The following SPAG16 variants were observed in gnomAD, a reference collection of about 807,000 sequenced individuals.
SPAG16 encodes the protein sperm-associated antigen 16 protein.
A neutral mutation model predicts 80.4 loss-of-function variants in SPAG16; 86 were observed. That is an observed-to-expected ratio of 1.07 (90% CI 0.90 to 1.28). The LOEUF is 1.28. SPAG16 is among the 50% of genes most tolerant of loss of function. The pLI is 0.00. For missense variants in SPAG16, 870 were observed against 765.3 expected (o/e 1.14, Z -1.61); for synonymous variants, 294 against 265.9 (o/e 1.11, Z -1.03).
intron 11 of SPAG16, among the ~76,000 whole-genome samples, chr2:213,906,634 C>A (rs2077446101): frequency 6.6e-6 from 1 of 152,112 alleles, no homozygotes; most frequent in South Asian, 2.1e-4. Flanking sequence ...GCTATAGTAA[C>A]AATGACAGCT....
At chr2:214,139,749 A>G (rs2055253262) in intron 14 of SPAG16, among the ~76,000 whole-genome samples, 1 of 152,128 alleles carries the variant, frequency 6.6e-6, no homozygotes, top group African/African-American at 2.4e-5. Context: ...ACGCCTTAAC[A>G]TCTTGTTAAA....
At chr2:214,183,353 G>C (rs892008196) in intron 15 of SPAG16, among the ~76,000 whole-genome samples, 2 of 151,922 alleles carry the variant, frequency 1.3e-5, no homozygotes, top group African/African-American at 4.8e-5. Flanking sequence ...TTTAAAAATA[G>C]GGGCTATTTT....
At chr2:213,883,149 A>C (rs1157271584) in intron 11 of SPAG16, among the ~76,000 whole-genome samples, 1 of 152,218 alleles carries the variant, frequency 6.6e-6, no homozygotes, top group Non-Finnish European at 1.5e-5. Flanking sequence ...GTTTAGCAAT[A>C]TAAACTCTCC....
At chr2:213,911,716 G>C (rs2077679142) in intron 11 of SPAG16, among the ~76,000 whole-genome samples, 2 of 151,820 alleles carry the variant, frequency 1.3e-5, no homozygotes, top group South Asian at 4.1e-4. Context: ...TATTCTCCAT[G>C]GAAAGAAAAG....
chr2:213,695,999 A>C (rs914375954), intron 10 of SPAG16, among the ~76,000 whole-genome samples: 4 of 152,172 alleles, frequency 2.6e-5, no homozygotes, highest in African/African-American at 9.7e-5. Context: ...TAATTCAAGT[A>C]ATGTAGGTGA....
chr2:213,537,937 T>G (rs2076306581), intron 10 of SPAG16, among the ~76,000 whole-genome samples: 2 of 152,168 alleles, frequency 1.3e-5, no homozygotes, highest in African/African-American at 2.4e-5. Flanking sequence ...ATACAGAAAG[T>G]ATCAGTGGGG....
intron 10 of SPAG16, among the ~76,000 whole-genome samples, chr2:213,492,436 G>A (rs1235415708): frequency 1.3e-5 from 2 of 151,830 alleles, no homozygotes; most frequent in African/African-American, 2.4e-5. Context: ...TGTAGTCCCA[G>A]CTACTCGGGA....
chr2:214,234,972 A>G (rs1357714831), intron 15 of SPAG16, among the ~76,000 whole-genome samples: 1 of 152,116 alleles, frequency 6.6e-6, no homozygotes, highest in Non-Finnish European at 1.5e-5. Context: ...ATGATTATGC[A>G]CCACTTTTCA....
At chr2:213,934,476 T>C (rs191481497) in intron 12 of SPAG16, among the ~76,000 whole-genome samples, 3 of 152,302 alleles carry the variant, frequency 2.0e-5, no homozygotes, top group Admixed American at 6.5e-5. Context: ...GGGATGTTTC[T>C]TTTTTTGGTT....
At chr2:214,091,827 T>G (rs9288488) in intron 13 of SPAG16, among the ~76,000 whole-genome samples, 14,314 of 152,090 alleles carry the variant, frequency 0.094, 844 homozygotes, top group East Asian at 0.28. Context: ...TCCACTCTAA[T>G]GAACATATTA....
At chr2:213,790,896 T>A (rs562371970) in intron 10 of SPAG16, among the ~76,000 whole-genome samples, 5 of 152,142 alleles carry the variant, frequency 3.3e-5, no homozygotes, top group Non-Finnish European at 5.9e-5. Flanking sequence ...TGTCTCACTT[T>A]AACTCATCAT....
At chr2:214,330,279 A>G (rs1419209014) in intron 15 of SPAG16, among the ~76,000 whole-genome samples, 2 of 147,592 alleles carry the variant, frequency 1.4e-5, no homozygotes, top group Non-Finnish European at 3.0e-5. Flanking sequence ...CTCTGTCTCA[A>G]AAAAAAAAAA....
chr2:213,444,873 T>A (rs1166642922), intron 9 of SPAG16, among the ~76,000 whole-genome samples: 2 of 152,138 alleles, frequency 1.3e-5, no homozygotes, highest in Non-Finnish European at 2.9e-5. Context: ...AACAGTATGG[T>A]ACTGGCATAA....
In SPAG16 at chr2:213,284,523, G is replaced by A. The variant is rs751505176; in HGVS notation, c.40G>A (p.Val14Ile). Residue 14 changes from valine (V) to isoleucine (I), a missense_variant, in exon 1 of 16, where the codon GTC becomes ATC. Coordinates refer to ENST00000331683, the MANE Select transcript of SPAG16 (RefSeq NM_024532.5). ...QRGMPSSAVRVLEEALGMGLT... is the reference protein window; with the variant it reads ...QRGMPSSAVRILEEALGMGLT... ...AGGGATGCCCAGCTCCGCCGTGAGG[G>A]TCCTGGAAGAGGCGTTGGGCATGGG... 6.3e-6 allele frequency: 10 copies of A among 1,593,484 alleles called. No homozygotes were observed. In the East Asian group the frequency reaches 9.1e-5, roughly 15 times the overall value.
rs553352212 is a variant in SPAG16, at chr2:214,287,250, A to T, written c.1721-122890A>T. On this transcript the variant is annotated intron_variant, in intron 15 of 15. Coordinates refer to ENST00000331683, the MANE Select transcript of SPAG16 (RefSeq NM_024532.5). Reference sequence around the variant, plus strand: ...CTCTATCTGTACAAGCACTGAAAGTATTTGAAAGTAGAAATTACTCTTCAA... The same window carrying T: ...CTCTATCTGTACAAGCACTGAAAGTTTTTGAAAGTAGAAATTACTCTTCAA... Among the ~76,000 whole-genome samples, 12 of 152,342 alleles carry T rather than the reference A, an allele frequency of 7.9e-5. No homozygotes were observed. In the South Asian group the frequency reaches 2.3e-3, roughly 29 times the overall value.
chr2:213,896,592 GCA>G (rs372673398), intron 11 of SPAG16, among the ~76,000 whole-genome samples: 34 of 111,914 alleles, frequency 3.0e-4, no homozygotes, highest in African/African-American at 7.0e-4. Context: ...ACACACACAC[GCA>G]CACACACACA....
At chr2:214,260,389 A>G (rs1225451906) in intron 15 of SPAG16, among the ~76,000 whole-genome samples, 1 of 152,002 alleles carries the variant, frequency 6.6e-6, no homozygotes, top group Admixed American at 6.6e-5. Context: ...GTAAGCCTCT[A>G]CCACCTGGTA....
intron 10 of SPAG16, among the ~76,000 whole-genome samples, chr2:213,552,222 A>G (rs1489175119): frequency 6.6e-6 from 1 of 152,082 alleles, no homozygotes; most frequent in African/African-American, 2.4e-5. Context: ...GTATACAGAC[A>G]CTCTGCGCCC....
intron 10 of SPAG16, among the ~76,000 whole-genome samples, chr2:213,801,276 C>G (rs953555200): frequency 2.0e-5 from 3 of 152,210 alleles, no homozygotes; most frequent in African/African-American, 7.2e-5. Context: ...AATACTTTCT[C>G]TATTTCCTAA....
Sources: allele counts gnomAD v4.1 joint callset (sites outside exome capture counted in the v4.1 genomes callset), GRCh38; gene constraint gnomAD v4.1.1; transcripts MANE v1.5; gene names NCBI Gene and HGNC (gene_info 2026-07-23, HGNC 2026-07-21).